TTN: variants seen among roughly 807,000 people sequenced by gnomAD.
TTN encodes the protein connectin.
A neutral mutation model predicts 3,223.0 loss-of-function variants in TTN; 1,525 were observed. The observed-to-expected ratio is 0.47, with a 90% CI of 0.45 to 0.49. The LOEUF (loss-of-function observed/expected upper bound fraction) is 0.49, where lower values mean the gene tolerates loss of function less well. Among genes scored for constraint, TTN ranks in the 20% least tolerant of loss-of-function variants. The probability of loss-of-function intolerance (pLI) is 0.00; values close to 1 mark genes in which losing one functional copy is unlikely to be tolerated. For synonymous variants in TTN, 14,094 were observed against 15,161.0 expected (o/e 0.93, Z 5.17); for missense variants, 40,786 against 43,424.0 (o/e 0.94, Z 5.40).
At chr2:178,631,567 A>T (rs2059810716) in intron 236 of TTN, among the ~76,000 whole-genome samples, 1 of 152,098 alleles carries the variant, frequency 6.6e-6, no homozygotes, top group Admixed American at 6.6e-5. Context: ...TTTAGCTTCA[A>T]ATACAATTTT....
Position 178,536,451 on chromosome 2 carries a change from A to G in TTN, c.100296T>C (p.Arg33432=). 6.2e-7 allele frequency: 1 copy of G among 1,610,682 alleles called. No individual in the cohort carries two copies. The highest frequency in any genetic ancestry group is 8.5e-7 in the Non-Finnish European group (1 of 1,177,958). ...AAATCCATTTATTCTGCTTCTTCTC[A>G]CGCTTCTCAAGGTAGTAATTTCTAA... ...AKIRNYYLEK[R]EKKQNKWISV... is the part of the protein sequence containing the mutation. Residue 33432 remains arginine (R), a synonymous_variant, in exon 357 of 363, where the codon CGT becomes CGC. Coordinates refer to ENST00000589042, the MANE Select transcript of TTN (RefSeq NM_001267550.2).
At chr2:178,676,838 G>A (rs2068176016) in intron 147 of TTN, among the ~76,000 whole-genome samples, 2 of 151,470 alleles carry the variant, frequency 1.3e-5, no homozygotes, top group Non-Finnish European at 3.0e-5. Context: ...AATATAAATG[G>A]TTGAAGGAAG....
Position 178,595,486 on chromosome 2 carries a change from CA to C in TTN, c.57847+20del, listed in dbSNP as rs1215561838. ...ATGAGTAAAGAAGTGATTAAGTATA[CA>C]TTTTTTTTTTTTTACTTACTTATTG... On this transcript the variant is annotated intron_variant, in intron 295 of 362. Transcript: ENST00000589042. The C allele has an allele frequency of 1.3e-5, 19 of 1,443,802 alleles. No individual in the cohort carries two copies. Among genetic ancestry groups the C allele is most frequent in the East Asian group, 5.0e-5 (2 of 40,376 alleles). The allele number at this position is 1,443,802 out of a possible 1,614,324, so 89.4% of individuals were successfully genotyped here. A position where few individuals can be genotyped will look rare whatever the true frequency, so the allele number is the denominator to read the frequency against.
In TTN at chr2:178,672,079, G is replaced by C. The variant is rs1302889871; in HGVS notation, c.35119C>G (p.Gln11707Glu). ...CTGTGTTCTTCTTCAACTCTATGTT[G>C]TTCTAATTTGATGAATTCTTCTACT... is the stretch of plus-strand genomic sequence containing the variant. ...HEVEEFIKLE[Q>E]HRVEEEHRVE... Residue 11707 changes from glutamine to glutamate, a missense_variant, in exon 155 of 363, where the codon CAA becomes GAA. Transcript: ENST00000589042. The C allele has an allele frequency of 6.2e-7, 1 of 1,611,806 alleles. No individual in the cohort carries two copies. Among genetic ancestry groups the C allele is most frequent in the Non-Finnish European group, 8.5e-7 (1 of 1,179,016 alleles).
Position 178,650,811 on chromosome 2 carries a change from C to G in TTN, c.39649G>C (p.Val13217Leu). The change falls in exon 209 of 363, where the codon GTC (valine) becomes CTC (leucine). Residue 13217 changes from valine to leucine, a missense_variant. By Grantham distance (32) the Val-to-Leu change is conservative. Transcript: ENST00000589042. ...AKVPEVPKKP[V>L]LEEKPAVPVP... Reference sequence around the variant, plus strand: ...GGAACAGCTGGTTTCTCTTCCAAGACAGGTTTCTTTGGCACTTCTGGCACT... The same window carrying G: ...GGAACAGCTGGTTTCTCTTCCAAGAGAGGTTTCTTTGGCACTTCTGGCACT... 6.2e-7 allele frequency: 1 copy of G among 1,607,164 alleles called. No individual in the cohort carries two copies. The highest frequency in any genetic ancestry group is 1.1e-5 in the South Asian group (1 of 89,536).
chr2:178,669,227 C>CT, intron 159 of TTN, 146 bp downstream of exon 159: 1 of 628,142 alleles, frequency 1.6e-6, no homozygotes, highest in Non-Finnish European at 2.7e-6. Flanking sequence ...ATAATAGACA[C>CT]TAAGATTATT....
Position 178,532,079 on chromosome 2 carries a change from T to C in TTN, c.104536A>G (p.Thr34846Ala). ...LLRRRRSLSP[T>A]YIELMRPVSE... ...ACTGGCCTCATTAACTCAATATAAG[T>C]TGGAGACAGGGAGCGCCGTCGTCTC... Residue 34846 changes from threonine (T) to alanine (A), a missense_variant, in exon 358 of 363, where the codon ACT (threonine) becomes GCT (alanine). Transcript: ENST00000589042. The C allele has an allele frequency of 3.7e-6, 6 of 1,613,922 alleles. No homozygotes were observed. The highest frequency in any genetic ancestry group is 5.1e-6 in the Non-Finnish European group (6 of 1,179,856).
chr2:178,528,342 C>G lies in TTN; in HGVS notation c.107309G>C (p.Gly35770Ala). The G allele has an allele frequency of 6.2e-7, 1 of 1,613,948 alleles. No homozygotes were observed. The highest frequency in any genetic ancestry group is 8.5e-7 in the Non-Finnish European group (1 of 1,179,856). Residue 35770 changes from glycine (G) to alanine (A), a missense_variant, in exon 361 of 363, where the codon GGA becomes GCA. Transcript: ENST00000589042. ...ATTTTTGGCCTTAATTGTGTACTTT[C>G]CACTGTCGCTGACTGATGCATTTCG... ...EIRNASVSDS[G>A]KYTIKAKNFR... is the part of the protein sequence containing the mutation.
At position 178,732,480 on chromosome 2, in the gene TTN, G is replaced by A. The variant is rs373179717; in HGVS notation, c.16581C>T (p.Val5527=). Residue 5527 remains valine (V), a synonymous_variant, in exon 56 of 363, where the codon GTC becomes GTT. Transcript: ENST00000589042. The part of the protein sequence containing the change: ...SGTYTCKVSN[V]AGGVECSANL... Reference sequence around the variant, plus strand: ...TTGCACTGCATTCCACCCCTCCAGCGACATTGCTGACTTTACATGTGTACG... The same window carrying A: ...TTGCACTGCATTCCACCCCTCCAGCAACATTGCTGACTTTACATGTGTACG... 133 of 1,612,570 alleles carry A rather than the reference G, an allele frequency of 8.2e-5. No individual in the cohort carries two copies. Among genetic ancestry groups the A allele is most frequent in the Middle Eastern group, 1.6e-4 (1 of 6,070 alleles).
intron 4 of TTN, 133 bp downstream of exon 4, chr2:178,800,262 G>A (rs890672165): frequency 1.5e-5 from 19 of 1,263,320 alleles, no homozygotes; most frequent in Middle Eastern, 2.1e-4. Flanking sequence ...CATGGGTGTC[G>A]AAAAGCCAGC....
chr2:178,746,159 T>C lies in TTN; in HGVS notation c.11312-4238A>G, dbSNP rs367693634. On this transcript the variant is annotated intron_variant, in intron 47 of 362. Transcript: ENST00000589042. ...TGGCTCAATACACATATATTCTTTA[T>C]ACCACTTAACTTCGGGAGTCGGGAT... 14 of 1,613,380 alleles carry C rather than the reference T, an allele frequency of 8.7e-6. No individual in the cohort carries two copies. The African/African-American group carries it at 1.5e-4, about 17-fold the overall frequency.
At chr2:178,702,284 GT>G (rs2075146561) in intron 107 of TTN, 39 bp from the exon 108 acceptor site, 1 of 1,612,720 alleles carries the variant, frequency 6.2e-7, no homozygotes, top group Non-Finnish European at 8.5e-7. Flanking sequence ...TTTCTGATAT[GT>G]TGCAAATAAC....
rs879111780 is a variant in TTN at position 178,612,408 on chromosome 2, T to C, written c.50117A>G (p.Lys16706Arg). The change falls in exon 266 of 363, where the codon AAG (lysine) becomes AGG (arginine). Residue 16706 changes from lysine (K) to arginine (R), a missense_variant. Physicochemically the swap from Lys to Arg is conservative, Grantham distance 26 (BLOSUM62 2). Coordinates refer to ENST00000589042, the MANE Select transcript of TTN (RefSeq NM_001267550.2). ...TGGGGTGACTGTGCACTTGGTGTCC[T>C]TGACAGTGGTATCCACTGTTTGCCA... ...KGWQTVDTTV[K>R]DTKCTVTPLT... The C allele has an allele frequency of 3.1e-6, 5 of 1,612,438 alleles. No homozygotes were observed. The highest frequency in any genetic ancestry group is 3.3e-5 in the Admixed American group (2 of 59,886).
At chr2:178,671,615 CT>C (rs916280194) in intron 155 of TTN, among the ~76,000 whole-genome samples, 14 of 151,688 alleles carry the variant, frequency 9.2e-5, no homozygotes, top group South Asian at 2.1e-4. Context: ...ATTATTTTGC[CT>C]GAACATGTAA....
intron 43 of TTN, among the ~76,000 whole-genome samples, chr2:178,762,633 C>G (rs1245726205): frequency 6.6e-6 from 1 of 152,080 alleles, no homozygotes; most frequent in East Asian, 1.9e-4. Flanking sequence ...TTTAGTGTAG[C>G]TTTAATGAAC....
chr2:178,599,243 T>C lies in TTN; in HGVS notation c.56550A>G (p.Leu18850=). Reference sequence around the variant, plus strand: ...TTCGGAATACATATTCATGGCCTTCTAGCAATTTGGGAATCGTGTACGTGC... The same window carrying C: ...TTCGGAATACATATTCATGGCCTTCCAGCAATTTGGGAATCGTGTACGTGC... ...KECTYTIPKL[L]EGHEYVFRIM... Residue 18850 remains leucine (L), a synonymous_variant, in exon 290 of 363, where the codon CTA becomes CTG. Coordinates refer to ENST00000589042, the MANE Select transcript of TTN (RefSeq NM_001267550.2). 1 of 1,555,500 alleles carries C rather than the reference T, an allele frequency of 6.4e-7. No individual in the cohort carries two copies. Among genetic ancestry groups the C allele is most frequent in the Non-Finnish European group, 8.6e-7 (1 of 1,156,070 alleles).
In TTN at chr2:178,739,798, C is replaced by T. The variant is rs776871094; in HGVS notation, c.13435G>A (p.Ala4479Thr). ...ATGTCTATTTCCTCATATATAATAG[C>T]ACACAAAGCATCCCTAAGTTCCATT... Reference protein sequence around the residue: ...LKMELRDALCAIIYEEIDILT... With the variant: ...LKMELRDALCTIIYEEIDILT... The change falls in exon 48 of 363, where the codon GCT (alanine) becomes ACT (threonine). Residue 4479 changes from alanine to threonine, a missense_variant. Ala to Thr is a moderately conservative substitution (Grantham distance 58). Coordinates refer to ENST00000589042, the MANE Select transcript of TTN (RefSeq NM_001267550.2). The T allele has an allele frequency of 6.2e-7, 1 of 1,613,836 alleles. No individual in the cohort carries two copies. The highest frequency in any genetic ancestry group is 1.7e-5 in the Admixed American group (1 of 59,990).
chr2:178,634,595 A>G lies in TTN; in HGVS notation c.42186T>C (p.Asp14062=). ...IELDFAVPLK[D]VTVPERRQAR... is the part of the protein sequence containing the mutation. ...CCTGTCGCCTTTCTGGAACAGTGAC[A>G]TCCTTCAGGGGCACAGCAAAGTCAA... Residue 14062 remains aspartate, a synonymous_variant, in exon 230 of 363, where the codon GAT becomes GAC. Coordinates refer to ENST00000589042, the MANE Select transcript of TTN (RefSeq NM_001267550.2). This position sits in a 1 kb window ranked among gnomAD's most constrained non-coding sequence, Gnocchi z 4.6. The G allele has an allele frequency of 1.2e-6, 2 of 1,613,360 alleles. No individual in the cohort carries two copies. The highest frequency in any genetic ancestry group is 8.5e-7 in the Non-Finnish European group (1 of 1,179,518).
intron 121 of TTN, among the ~76,000 whole-genome samples, chr2:178,690,136 C>T (rs1006637752): frequency 6.6e-6 from 1 of 152,154 alleles, no homozygotes; most frequent in Non-Finnish European, 1.5e-5. Context: ...AAGTTGTGCA[C>T]AGAATTCATC....
Sources: allele counts gnomAD v4.1 joint callset (sites outside exome capture counted in the v4.1 genomes callset), GRCh38; gene constraint gnomAD v4.1.1; non-coding constraint Gnocchi (gnomAD v3.1); transcripts MANE v1.5; gene names NCBI Gene and HGNC (gene_info 2026-07-23, HGNC 2026-07-21).